The following DIAPH3 variants were observed in gnomAD, a reference collection of about 807,000 sequenced individuals.
DIAPH3 encodes the protein diaphanous related formin 3.
Under a neutral mutation model 144.3 loss-of-function variants are expected in DIAPH3, and 117 were observed. That is an observed-to-expected ratio of 0.81 (90% CI 0.70 to 0.95). DIAPH3 has a LOEUF of 0.95. Ranked by LOEUF, DIAPH3 falls within the 40% of genes least tolerant of loss-of-function variation. DIAPH3 has a pLI of 0.00. For synonymous variants in DIAPH3, 519 were observed against 488.9 expected (o/e 1.06, Z -0.81); for missense variants, 1,421 against 1,412.7 (o/e 1.01, Z -0.09).
chr13:59,758,953 A>ATTTTTTTTT (rs915956860), intron 27 of DIAPH3, among the ~76,000 whole-genome samples: 43 of 130,136 alleles, frequency 3.3e-4, no homozygotes, highest in South Asian at 7.7e-4. Flanking sequence ...CTAATTTTGA[A>ATTTTTTTTT]TTTTTTTTTT....
intron 4 of DIAPH3, among the ~76,000 whole-genome samples, chr13:60,092,863 G>A (rs531488196): frequency 6.6e-5 from 10 of 152,284 alleles, no homozygotes; most frequent in African/African-American, 2.2e-4. Flanking sequence ...CTGAACTTAG[G>A]TTAAAATACC....
At chr13:59,855,397 G>T (rs1296890939) in intron 22 of DIAPH3, among the ~76,000 whole-genome samples, 1 of 151,586 alleles carries the variant, frequency 6.6e-6, no homozygotes, top group Admixed American at 6.6e-5. Context: ...TAACATTTTG[G>T]TAAGTATATG....
At chr13:59,726,107 A>C (rs181112829) in intron 27 of DIAPH3, among the ~76,000 whole-genome samples, 1 of 152,236 alleles carries the variant, frequency 6.6e-6, no homozygotes, top group African/African-American at 2.4e-5. Context: ...CTTTACAAGT[A>C]TATTATTCTA....
chr13:59,868,899 A>C (rs375432428), intron 21 of DIAPH3, among the ~76,000 whole-genome samples: 133 of 152,316 alleles, frequency 8.7e-4, no homozygotes, highest in African/African-American at 2.8e-3. Context: ...TGGCTTAAAG[A>C]GATCATTTAT....
intron 27 of DIAPH3, among the ~76,000 whole-genome samples, chr13:59,767,349 A>G (rs1192742384): frequency 4.6e-5 from 7 of 152,218 alleles, no homozygotes; most frequent in African/African-American, 1.7e-4. Flanking sequence ...GTAATGCAAA[A>G]TTACACAACA....
chr13:59,721,493 A>T (rs941108911), intron 27 of DIAPH3, among the ~76,000 whole-genome samples: 1 of 152,080 alleles, frequency 6.6e-6, no homozygotes, highest in African/African-American at 2.4e-5. Context: ...TGTTTTTTTT[A>T]AAGTTATTTG....
At chr13:59,935,807 C>T (rs1360053020) in intron 17 of DIAPH3, among the ~76,000 whole-genome samples, 2 of 152,062 alleles carry the variant, frequency 1.3e-5, no homozygotes, top group African/African-American at 2.4e-5. Flanking sequence ...ACTGCCATAA[C>T]TAATCAGGAT....
chr13:60,109,107 G>T (rs1365036186), intron 3 of DIAPH3, among the ~76,000 whole-genome samples: 3 of 152,094 alleles, frequency 2.0e-5, no homozygotes, highest in Non-Finnish European at 2.9e-5. Flanking sequence ...GACAGGCAGA[G>T]GCAACACTGA....
intron 22 of DIAPH3, among the ~76,000 whole-genome samples, chr13:59,855,670 A>G (rs1446765481): frequency 2.6e-5 from 4 of 151,928 alleles, no homozygotes; most frequent in Admixed American, 6.6e-5. Context: ...TCCACAGTCT[A>G]TCTGTAGAAC....
intron 27 of DIAPH3, among the ~76,000 whole-genome samples, chr13:59,675,201 G>A (rs2032577561): frequency 6.6e-6 from 1 of 151,974 alleles, no homozygotes; most frequent in Admixed American, 6.6e-5. Flanking sequence ...GAGTAGCTAG[G>A]TCTACAGGCA....
intron 2 of DIAPH3, among the ~76,000 whole-genome samples, chr13:60,117,586 G>C (rs1198629729): frequency 6.6e-6 from 1 of 152,018 alleles, no homozygotes; most frequent in Non-Finnish European, 1.5e-5. Flanking sequence ...TAGGCACAAA[G>C]TGAGCTTTAC....
intron 25 of DIAPH3, among the ~76,000 whole-genome samples, chr13:59,810,400 C>T (rs61956708): frequency 6.6e-6 from 1 of 152,070 alleles, no homozygotes; most frequent in Non-Finnish European, 1.5e-5. Flanking sequence ...CTTTTTTTCC[C>T]TCCCTTGGGA....
intron 21 of DIAPH3, among the ~76,000 whole-genome samples, chr13:59,877,928 C>A (rs577707564): frequency 1.3e-4 from 20 of 152,180 alleles, no homozygotes; most frequent in Admixed American, 1.1e-3. Flanking sequence ...AGCTTAAATT[C>A]CCATTTCTCT....
intron 2 of DIAPH3, among the ~76,000 whole-genome samples, chr13:60,123,071 T>G (rs1210464337): frequency 3.3e-5 from 5 of 152,166 alleles, no homozygotes; most frequent in Non-Finnish European, 5.9e-5. Flanking sequence ...CAACCTGACA[T>G]GCTTCCACTA....
chr13:59,713,662 T>C (rs1006240308), intron 27 of DIAPH3, among the ~76,000 whole-genome samples: 3 of 152,130 alleles, frequency 2.0e-5, no homozygotes, highest in African/African-American at 7.2e-5. Context: ...AAGAAGCTTT[T>C]TTGATGGCAG....
At chr13:59,826,396 CAGAG>C (rs2041424554) in intron 24 of DIAPH3, among the ~76,000 whole-genome samples, 1 of 148,226 alleles carries the variant, frequency 6.7e-6, no homozygotes, top group African/African-American at 2.5e-5. Context: ...AACAGACAAA[CAGAG>C]AGCCAAATCA....
At chr13:60,058,513 A>G (rs1267777978) in intron 4 of DIAPH3, among the ~76,000 whole-genome samples, 1 of 151,928 alleles carries the variant, frequency 6.6e-6, no homozygotes, top group African/African-American at 2.4e-5. Context: ...CAGATGTACC[A>G]TTCGATCCAG....
intron 4 of DIAPH3, among the ~76,000 whole-genome samples, chr13:60,043,117 A>C (rs1428464961): frequency 1.3e-5 from 2 of 152,186 alleles, no homozygotes; most frequent in African/African-American, 4.8e-5. Flanking sequence ...AAAATACAGT[A>C]ATATTTTTAG....
chr13:59,902,404 T>C (rs2046489585), intron 20 of DIAPH3, among the ~76,000 whole-genome samples: 1 of 152,154 alleles, frequency 6.6e-6, no homozygotes, highest in South Asian at 2.1e-4. Flanking sequence ...ATCATAAGTC[T>C]CCTGAGGCTT....
Sources: allele counts gnomAD v4.1 joint callset (sites outside exome capture counted in the v4.1 genomes callset), GRCh38; gene constraint gnomAD v4.1.1; transcripts MANE v1.5; gene names NCBI Gene and HGNC (gene_info 2026-07-23, HGNC 2026-07-21).